Variants in OXR1 observed in about 807,000 individuals in gnomAD.
OXR1 encodes the protein oxidation resistance protein 1.
Under a neutral mutation model 104.6 loss-of-function variants are expected in OXR1, and 41 were observed. The observed-to-expected ratio is 0.39, with a 90% confidence interval of 0.31 to 0.51. The LOEUF (loss-of-function observed/expected upper bound fraction) is 0.51. Among genes scored for constraint, OXR1 ranks in the 20% least tolerant of loss-of-function variants. OXR1 has a pLI of 0.77. For synonymous variants in OXR1, 348 were observed against 348.4 expected (o/e 1.00, Z 0.01); for missense variants, 955 against 1,031.9 (o/e 0.93, Z 1.02).
chr8:106,382,695 T>TTTG (rs1817202773), intron 2 of OXR1, among the ~76,000 whole-genome samples: 1 of 146,166 alleles, frequency 6.8e-6, no homozygotes, highest in African/African-American at 2.7e-5. Context: ...TTTTTTTTTT[T>TTTG]TTTTTTTTTT....
intron 6 of OXR1, 117 bp downstream of exon 6, chr8:106,684,476 T>A: frequency 1.6e-6 from 1 of 627,498 alleles, no homozygotes; most frequent in Non-Finnish European, 2.8e-6. Flanking sequence ...TTCCTTTTTA[T>A]TTTGTTGCTT....
At chr8:106,562,907 G>A (rs557389414) in intron 3 of OXR1, among the ~76,000 whole-genome samples, 3 of 152,164 alleles carry the variant, frequency 2.0e-5, no homozygotes, top group Non-Finnish European at 4.4e-5. Context: ...ATCCTTTACA[G>A]ACAAGCAAAT....
intron 2 of OXR1, among the ~76,000 whole-genome samples, chr8:106,398,821 T>A (rs907977492): frequency 7.2e-5 from 11 of 152,142 alleles, no homozygotes; most frequent in African/African-American, 2.7e-4. Flanking sequence ...AATACAGACA[T>A]CTGAGAGTAT....
chr8:106,365,014 C>T (rs1816406083), intron 2 of OXR1, among the ~76,000 whole-genome samples: 1 of 152,102 alleles, frequency 6.6e-6, no homozygotes, highest in Non-Finnish European at 1.5e-5. Flanking sequence ...CAATCAGGAC[C>T]TGCAGGGGGA....
intron 6 of OXR1, among the ~76,000 whole-genome samples, chr8:106,686,869 T>G (rs1828785536): frequency 6.6e-6 from 1 of 152,210 alleles, no homozygotes; most frequent in Admixed American, 6.5e-5. Context: ...CTTTTTTTTG[T>G]TCACATATGG....
At chr8:106,748,463 C>T (rs1835581287) in intron 16 of OXR1, among the ~76,000 whole-genome samples, 2 of 150,200 alleles carry the variant, frequency 1.3e-5, no homozygotes, top group East Asian at 1.9e-4. Flanking sequence ...TGTCAACTCT[C>T]TTCTTGAGTG....
In OXR1 at chr8:106,737,553, G is replaced by A. The variant is rs979948280; in HGVS notation, c.1990G>A (p.Asp664Asn). Residue 664 changes from aspartate to asparagine, a missense_variant, in exon 12 of 17, where the codon GAT becomes AAT. Coordinates refer to ENST00000517566, the MANE Select transcript of OXR1 (RefSeq NM_001198533.2). ...VSVAEYHRRIDALNTEELRTL... is the reference protein window; with the variant it reads ...VSVAEYHRRINALNTEELRTL... ...AGTGGCTGAGTATCACCGCAGGATC[G>A]ATGCTCTAAATACTGAAGAACTGCG... The A allele has an allele frequency of 3.5e-6, 5 of 1,418,094 alleles. No individual in the cohort carries two copies. In the African/African-American group the frequency reaches 4.4e-5, roughly 13 times the overall value. The allele number at this position is 1,418,094 out of a possible 1,614,324, so 87.8% of individuals were successfully genotyped here.
In OXR1 at chr8:106,658,190, G is replaced by A. The variant is rs750107417; in HGVS notation, c.221-21020G>A. Reference sequence around the variant, plus strand: ...CGTCCAGCCCGGAGGGACCTGGTGAGCCCACCTTTCTTTCGCCTCCCGCGC... The same window carrying A: ...CGTCCAGCCCGGAGGGACCTGGTGAACCCACCTTTCTTTCGCCTCCCGCGC... On this transcript the variant is annotated intron_variant, in intron 3 of 16. Coordinates refer to ENST00000517566, the MANE Select transcript of OXR1 (RefSeq NM_001198533.2). The A allele has an allele frequency of 1.6e-4, 203 of 1,239,332 alleles. No homozygotes were observed. Among genetic ancestry groups the A allele is most frequent in the Non-Finnish European group, 1.9e-4 (191 of 987,878 alleles). The allele number at this position is 1,239,332 out of a possible 1,614,324, so 76.8% of individuals were successfully genotyped here.
intron 9 of OXR1, 91 bp downstream of exon 9, chr8:106,707,236 G>C: frequency 9.2e-7 from 1 of 1,086,980 alleles, no homozygotes. Context: ...GTACCTTAGG[G>C]CAACCTGAAG....
intron 3 of OXR1, among the ~76,000 whole-genome samples, chr8:106,529,863 C>T (rs1287268251): frequency 6.6e-6 from 1 of 152,124 alleles, no homozygotes; most frequent in Non-Finnish European, 1.5e-5. Flanking sequence ...CCCAATTAAA[C>T]CTATACTGGT....
At chr8:106,617,674 T>A (rs1371087583) in intron 3 of OXR1, among the ~76,000 whole-genome samples, 1 of 152,142 alleles carries the variant, frequency 6.6e-6, no homozygotes, top group South Asian at 2.1e-4. Flanking sequence ...TATTTACATA[T>A]CTATAAAGGT....
intron 1 of OXR1, among the ~76,000 whole-genome samples, chr8:106,345,400 A>G (rs1815438007): frequency 6.6e-6 from 1 of 152,262 alleles, no homozygotes; most frequent in South Asian, 2.1e-4. Context: ...TTCCTGCAAT[A>G]AAGATAGCCT....
At chr8:106,335,088 C>G (rs1814901240) in intron 1 of OXR1, among the ~76,000 whole-genome samples, 1 of 151,680 alleles carries the variant, frequency 6.6e-6, no homozygotes, top group Non-Finnish European at 1.5e-5. Flanking sequence ...TTGTCCTAAT[C>G]ACTTCACAAA....
intron 3 of OXR1, among the ~76,000 whole-genome samples, chr8:106,668,936 A>C (rs1403449790): frequency 6.6e-6 from 1 of 152,154 alleles, no homozygotes; most frequent in Admixed American, 6.5e-5. Context: ...TGAGCCTCAG[A>C]TCTTACATTC....
chr8:106,295,870 C>T (rs768132783), intron 1 of OXR1, among the ~76,000 whole-genome samples: 1 of 152,154 alleles, frequency 6.6e-6, no homozygotes, highest in Non-Finnish European at 1.5e-5. Flanking sequence ...CTTTGTTGCA[C>T]ATACCTCCAC....
chr8:106,590,686 T>TC (rs367582919), intron 3 of OXR1, among the ~76,000 whole-genome samples: 35 of 152,370 alleles, frequency 2.3e-4, no homozygotes, highest in African/African-American at 8.2e-4. Flanking sequence ...CCAGCAGGTC[T>TC]CCATCTATTT....
At chr8:106,640,388 A>T (rs1212074164) in intron 3 of OXR1, among the ~76,000 whole-genome samples, 3 of 151,222 alleles carry the variant, frequency 2.0e-5, no homozygotes, top group Admixed American at 1.3e-4. Flanking sequence ...GTATATATAC[A>T]TATATATTAA....
intron 7 of OXR1, chr8:106,697,514 G>C: frequency 6.2e-7 from 1 of 1,610,680 alleles, no homozygotes; most frequent in Non-Finnish European, 8.5e-7. Context: ...CCCTCTTGCA[G>C]CTGGTTATCC....
intron 2 of OXR1, among the ~76,000 whole-genome samples, chr8:106,360,736 A>T (rs1816208161): frequency 6.6e-6 from 1 of 152,108 alleles, no homozygotes; most frequent in African/African-American, 2.4e-5. Context: ...TATTATTATT[A>T]AAATTAAAAG....
Sources: allele counts gnomAD v4.1 joint callset (sites outside exome capture counted in the v4.1 genomes callset), GRCh38; gene constraint gnomAD v4.1.1; transcripts MANE v1.5; gene names NCBI Gene and HGNC (gene_info 2026-07-23, HGNC 2026-07-21).